ERAP2: variants seen among roughly 807,000 people sequenced by gnomAD.
ERAP2 encodes the protein leukocyte-derived arginine aminopeptidase.
Under a neutral mutation model 111.1 loss-of-function variants are expected in ERAP2, and 118 were observed. The ratio of observed to expected loss-of-function variants is 1.06; its 90% CI spans 0.92 to 1.24. The LOEUF (loss-of-function observed/expected upper bound fraction) is 1.24. ERAP2 is among the 50% of genes most tolerant of loss of function. The probability of loss-of-function intolerance (pLI) is 0.00; values close to 1 mark genes in which losing one functional copy is unlikely to be tolerated. For missense variants in ERAP2, 1,131 were observed against 1,125.8 expected (o/e 1.00, Z -0.07); for synonymous variants, 410 against 401.2 (o/e 1.02, Z -0.26).
chr5:96,878,136 G>T (rs184431162), intron 1 of ERAP2, among the ~76,000 whole-genome samples: 1 of 152,132 alleles, frequency 6.6e-6, no homozygotes, highest in Admixed American at 6.5e-5. Flanking sequence ...CCTTCAAAAA[G>T]AAAGAAACTT....
chr5:96,895,854 A>G (rs1361242827), intron 7 of ERAP2, among the ~76,000 whole-genome samples: 1 of 152,170 alleles, frequency 6.6e-6, no homozygotes, highest in Non-Finnish European at 1.5e-5. Context: ...TTTGCATATC[A>G]AGGTGGTTAG....
intron 1 of ERAP2, among the ~76,000 whole-genome samples, chr5:96,878,757 G>A (rs1362237247): frequency 3.9e-5 from 6 of 152,046 alleles, no homozygotes; most frequent in African/African-American, 9.6e-5. Flanking sequence ...GTGAAACCCC[G>A]TCTCTACTAA....
At position 96,895,359 on chromosome 5, in the gene ERAP2, T is replaced by C. The variant is rs1420089537; in HGVS notation, c.1239T>C (p.Phe413=). Residue 413 remains phenylalanine (F), a splice_region_variant and synonymous_variant, in exon 7 of 19, where the codon TTT becomes TTC. Coordinates refer to ENST00000437043, the MANE Select transcript of ERAP2 (RefSeq NM_022350.5). ...AVNATYPELQ[F]DDYFLNVCFE... ...ATGCTACATATCCAGAGCTGCAATT[T>C]GTAAGTTCACAATTCTGTGTATCAT... The C allele has an allele frequency of 1.3e-6, 2 of 1,588,604 alleles. No homozygotes were observed. Among genetic ancestry groups the C allele is most frequent in the Admixed American group, 3.4e-5 (2 of 59,530 alleles).
chr5:96,914,054 T>A lies in ERAP2; in HGVS notation c.2657+597T>A, dbSNP rs377499529. Among the ~76,000 whole-genome samples, 16 of 152,250 alleles carry A rather than the reference T, an allele frequency of 1.1e-4. No individual in the cohort carries two copies. The East Asian group carries it at 2.9e-3, about 28-fold the overall frequency. On this transcript the variant is annotated intron_variant, in intron 17 of 18. Transcript: ENST00000437043. ...GCTCATTTCAATATGTTCCTGGATC[T>A]AAAATATCCCTCAGAAATAACCAAT...
Position 96,912,748 on chromosome 5 carries a change from C to T in ERAP2, c.2466C>T (p.Asn822=). Residue 822 remains asparagine, a synonymous_variant, in exon 16 of 19, where the codon AAC becomes AAT. Coordinates refer to ENST00000437043, the MANE Select transcript of ERAP2 (RefSeq NM_022350.5). ...TGTCAATGTCAAGTGCTGAACAAAA[C>T]AAAATTCTGTATGCTTTGTCAACGA... ...YELSMSSAEQ[N]KILYALSTSK... is the part of the protein sequence containing the mutation. 6.2e-7 allele frequency: 1 copy of T among 1,600,166 alleles called. No individual in the cohort carries two copies. The highest frequency in any genetic ancestry group is 8.5e-7 in the Non-Finnish European group (1 of 1,176,382).
At chr5:96,904,044 C>A (rs1368795825) in intron 13 of ERAP2, among the ~76,000 whole-genome samples, 1 of 152,144 alleles carries the variant, frequency 6.6e-6, no homozygotes, top group Non-Finnish European at 1.5e-5. Flanking sequence ...GGTGTAATCT[C>A]TTAAGGAAAA....
rs777311041 is a variant in ERAP2, at chr5:96,889,191, A to C, written c.856A>C (p.Ile286Leu). Reference protein sequence around the residue: ...GFTSSGVKVSIYASPDKRNQT... With the variant: ...GFTSSGVKVSLYASPDKRNQT... ...TCTGATCCACATTTCCCAGGTGTCC[A>C]TCTATGCATCCCCAGACAAACGGAA... The change falls in exon 5 of 19, where the codon ATC (isoleucine) becomes CTC (leucine). Residue 286 changes from isoleucine to leucine, a missense_variant. Ile to Leu is a conservative substitution (Grantham distance 5). This residue lies in a region of ERAP2 where 847 missense variants were observed against 856.5 expected (regional missense o/e 0.99). Coordinates refer to ENST00000437043, the MANE Select transcript of ERAP2 (RefSeq NM_022350.5). 2.9e-5 allele frequency: 47 copies of C among 1,614,046 alleles called. No homozygotes were observed. The highest frequency in any genetic ancestry group is 1.7e-6 in the Non-Finnish European group (2 of 1,180,000).
chr5:96,915,100 C>T (rs78419844), intron 17 of ERAP2, among the ~76,000 whole-genome samples: 2,189 of 152,084 alleles, frequency 0.014, 53 homozygotes, highest in South Asian at 0.088. Context: ...CTCCACCTCC[C>T]GGGTTCAAGT....
At chr5:96,905,528 C>T (rs1000406884) in intron 13 of ERAP2, among the ~76,000 whole-genome samples, 42 of 152,186 alleles carry the variant, frequency 2.8e-4, no homozygotes, top group African/African-American at 9.6e-4. Flanking sequence ...ATAATTTTTA[C>T]TTGCTGTTCT....
intron 2 of ERAP2, chr5:96,881,499 A>G (rs1409630317): frequency 6.6e-6 from 3 of 455,958 alleles, no homozygotes; most frequent in East Asian, 1.4e-4. Context: ...AGTCTGGCTC[A>G]GTGCACTCTC....
intron 3 of ERAP2, 126 bp downstream of exon 3, chr5:96,884,056 A>ATCTC (rs1783461953): frequency 8.1e-6 from 5 of 619,870 alleles, no homozygotes; most frequent in East Asian, 3.2e-5. Context: ...CTATCTATCT[A>ATCTC]TCTATCTATC....
At chr5:96,903,353 C>G in intron 12 of ERAP2, 24 bp from the exon 13 acceptor site, 1 of 1,568,426 alleles carries the variant, frequency 6.4e-7, no homozygotes, top group East Asian at 2.3e-5. Flanking sequence ...TAATAAAATG[C>G]CTATGCCAAT....
intron 2 of ERAP2, among the ~76,000 whole-genome samples, chr5:96,882,529 A>G (rs1783249295): frequency 6.6e-6 from 1 of 152,248 alleles, no homozygotes; most frequent in Non-Finnish European, 1.5e-5. Context: ...CATCTAAACT[A>G]CACAAATAAT....
rs763040206 is a variant in ERAP2, at chr5:96,889,225, A to G, written c.890A>G (p.His297Arg). The G allele has an allele frequency of 4.3e-6, 7 of 1,614,036 alleles. No homozygotes were observed. The African/African-American group carries it at 9.3e-5, about 22-fold the overall frequency. The change falls in exon 5 of 19, where the codon CAT (histidine) becomes CGT (arginine). Residue 297 changes from histidine (H) to arginine (R), a missense_variant. Physicochemically the swap from His to Arg is conservative, Grantham distance 29 (BLOSUM62 0). Around this residue, in one of 3 missense-constraint regions of ERAP2, gnomAD observed 847 missense variants for 856.5 expected, o/e 0.99. Transcript: ENST00000437043. ...YASPDKRNQT[H>R]YALQASLKLL... is the part of the protein sequence containing the mutation. ...TCCCCAGACAAACGGAATCAAACAC[A>G]TTATGCTTTGCAGGCATCACTGAAG...
intron 11 of ERAP2, 67 bp from the exon 12 acceptor site, chr5:96,902,207 G>T: frequency 1.8e-6 from 2 of 1,104,672 alleles, no homozygotes; most frequent in Non-Finnish European, 2.8e-6. Flanking sequence ...GTCTGTCTGA[G>T]TCTGACAATG....
chr5:96,912,502 G>A, intron 15 of ERAP2, 135 bp from the exon 16 acceptor site: 1 of 536,966 alleles, frequency 1.9e-6, no homozygotes, highest in South Asian at 3.1e-5. Context: ...TAAGAGTTCG[G>A]CAGAGAAAAA....
At chr5:96,897,850 C>T (rs1423785157) in intron 9 of ERAP2, among the ~76,000 whole-genome samples, 1 of 152,176 alleles carries the variant, frequency 6.6e-6, no homozygotes, top group Non-Finnish European at 1.5e-5. Context: ...GCACTTGTGT[C>T]CCAGGGACAG....
At chr5:96,876,723 G>C (rs983661606) in intron 1 of ERAP2, among the ~76,000 whole-genome samples, 196 bp downstream of exon 1, 3 of 152,174 alleles carry the variant, frequency 2.0e-5, no homozygotes, top group African/African-American at 7.2e-5. Context: ...CTAAGACGCT[G>C]CTGCACTGAC....
chr5:96,909,977 C>T (rs536899681), intron 15 of ERAP2: 11 of 465,650 alleles, frequency 2.4e-5, no homozygotes, highest in East Asian at 3.7e-5. Context: ...TCCATTATTC[C>T]GGTGCTGGCT....
Sources: gnomAD v4.1 joint callset for allele counts (sites outside exome capture counted in the v4.1 genomes callset) on GRCh38, gnomAD v4.1.1 for gene constraint, gnomAD v4.1.1 regional missense constraint, MANE v1.5 for transcripts, NCBI Gene and HGNC (gene_info 2026-07-23, HGNC 2026-07-21) for gene names.